The following PDE9A variants were observed in gnomAD, a reference collection of about 807,000 sequenced individuals.
PDE9A encodes high affinity cGMP-specific 3',5'-cyclic phosphodiesterase 9A.
In PDE9A, 60 loss-of-function variants were observed where a neutral mutation model predicts 87.4. That is an observed-to-expected ratio of 0.69 (90% CI 0.56 to 0.85). PDE9A has a LOEUF of 0.85. PDE9A is among the 40% of genes least tolerant of loss of function. PDE9A has a pLI of 0.00. For synonymous variants in PDE9A, 272 were observed against 279.4 expected, an observed-to-expected ratio of 0.97 and a Z score of 0.27; for missense variants, 665 against 779.0, an observed-to-expected ratio of 0.85 and a Z score of 1.74.
At chr21:42,656,450 AAGCTCCAGGTTG>A (rs1384449520) in intron 1 of PDE9A, among the ~76,000 whole-genome samples, 1 of 152,208 alleles carries the variant, frequency 6.6e-6, no homozygotes, top group Non-Finnish European at 1.5e-5. Flanking sequence ...TGCTCCGGCA[AAGCTCCAGGTTG>A]ACAATCTGAA....
Position 42,694,196 on chromosome 21 carries a change from T to G in PDE9A, c.219-4772T>G, listed in dbSNP as rs1267744386. On this transcript the variant is annotated intron_variant, in intron 3 of 19. Transcript: ENST00000291539. The surrounding 1 kb of genome is among the most constrained non-coding windows in gnomAD (Gnocchi z 5.3). ...CTCAGAAGCTACGTCAGCAGTTGGT[T>G]GGTTGGTTGGTTGGTGGGTTGGTTG... Among the ~76,000 whole-genome samples the G allele has an allele frequency of 6.6e-6, 1 of 152,160 alleles. No individual in the cohort carries two copies. Among genetic ancestry groups the G allele is most frequent in the Non-Finnish European group, 1.5e-5 (1 of 68,024 alleles).
intron 1 of PDE9A, among the ~76,000 whole-genome samples, chr21:42,663,867 C>T (rs987380458): frequency 6.6e-6 from 1 of 152,214 alleles, no homozygotes; most frequent in East Asian, 1.9e-4. Context: ...GGCCTCTCAG[C>T]ATCCAGGACT....
chr21:42,653,941 G>C, intron 1 of PDE9A, 58 bp downstream of exon 1: 1 of 1,022,662 alleles, frequency 9.8e-7, no homozygotes, highest in South Asian at 1.4e-5. Context: ...CGCCGGGGCC[G>C]GGCGCGGCGG....
intron 1 of PDE9A, among the ~76,000 whole-genome samples, chr21:42,656,689 G>A (rs896811148): frequency 6.6e-6 from 1 of 152,226 alleles, no homozygotes; most frequent in African/African-American, 2.4e-5. Flanking sequence ...GAATTTGGGG[G>A]ATTGTCTTCC....
chr21:42,720,368 C>T (rs2146574806), intron 4 of PDE9A, among the ~76,000 whole-genome samples: 1 of 152,190 alleles, frequency 6.6e-6, no homozygotes, highest in Non-Finnish European at 1.5e-5. Flanking sequence ...GTCACGCATG[C>T]CTGTAATCCC....
At chr21:42,768,375 T>A (rs2284977) in intron 16 of PDE9A, 83 bp downstream of exon 16, 472,394 of 1,069,000 alleles carry the variant, frequency 0.44, 108,996 homozygotes, top group African/African-American at 0.66. Context: ...CGAGCACGCC[T>A]GGGTGGTCCC....
At chr21:42,737,516 G>A (rs2052583323) in intron 7 of PDE9A, among the ~76,000 whole-genome samples, 2 of 152,208 alleles carry the variant, frequency 1.3e-5, no homozygotes, top group Admixed American at 1.3e-4. Flanking sequence ...CTAGAGAGAA[G>A]TGGCGTGATC....
chr21:42,721,179 A>T (rs913589575), intron 4 of PDE9A, among the ~76,000 whole-genome samples: 1 of 152,132 alleles, frequency 6.6e-6, no homozygotes, highest in African/African-American at 2.4e-5. Context: ...CTGCCTGCAA[A>T]CTAATCCTAA....
intron 7 of PDE9A, among the ~76,000 whole-genome samples, chr21:42,736,358 G>A (rs371433608): frequency 3.9e-5 from 6 of 152,098 alleles, no homozygotes; most frequent in Middle Eastern, 3.2e-3. Flanking sequence ...CAGGTGAGTC[G>A]AAGACCACTG....
intron 4 of PDE9A, among the ~76,000 whole-genome samples, chr21:42,710,919 T>C (rs2049274541): frequency 6.6e-6 from 1 of 151,940 alleles, no homozygotes; most frequent in Admixed American, 6.6e-5. Context: ...ACCCAGGAGG[T>C]GGATGTTGCA....
rs2146834019 is a variant in PDE9A at position 42,739,787 on chromosome 21, C to G, written c.569-3989C>G. Among the ~76,000 whole-genome samples the G allele has an allele frequency of 6.6e-6, 1 of 151,978 alleles. No individual in the cohort carries two copies. Among genetic ancestry groups the G allele is most frequent in the African/African-American group, 2.4e-5 (1 of 41,416 alleles). On this transcript the variant is annotated intron_variant, in intron 7 of 19. Transcript: ENST00000291539. The surrounding 1 kb of genome is among the most constrained non-coding windows in gnomAD (Gnocchi z 4.1). ...ACCATGAGCTGGCTTAAAACAGAGC[C>G]TTGTATGGACATGGGAAAAAAATTA... is the stretch of plus-strand genomic sequence containing the variant.
At chr21:42,666,929 A>T (rs1319977649) in intron 1 of PDE9A, among the ~76,000 whole-genome samples, 1 of 152,226 alleles carries the variant, frequency 6.6e-6, no homozygotes. Context: ...AGAGCATCGC[A>T]GCCCAAAAGG....
intron 1 of PDE9A, among the ~76,000 whole-genome samples, chr21:42,668,311 G>A (rs1001832282): frequency 2.0e-5 from 3 of 152,136 alleles, no homozygotes; most frequent in African/African-American, 4.8e-5. Context: ...GCTCCCACTC[G>A]GAGTCCTGAT....
chr21:42,671,154 G>A (rs745888042), intron 1 of PDE9A, among the ~76,000 whole-genome samples: 4 of 152,106 alleles, frequency 2.6e-5, no homozygotes, highest in East Asian at 1.9e-4. Flanking sequence ...GGATAACTCC[G>A]GTGCTGGGGA....
In PDE9A at chr21:42,762,213, C is replaced by T; in HGVS notation, c.1216C>T (p.Pro406Ser). The change falls in exon 14 of 20, where the codon CCT (proline) becomes TCT (serine). Residue 406 changes from proline (P) to serine (S), a missense_variant. By Grantham distance (74) the Pro-to-Ser change is moderately conservative. Coordinates refer to ENST00000291539, the MANE Select transcript of PDE9A (RefSeq NM_002606.3). Reference sequence around the variant, plus strand: ...GTGCAACATCTTCTCCAACATCCCACCTGATGGGTTCAAGCAGATCCGACA... The same window carrying T: ...GTGCAACATCTTCTCCAACATCCCATCTGATGGGTTCAAGCAGATCCGACA... ...PECNIFSNIP[P>S]DGFKQIRQGM... 1 of 1,614,158 alleles carries T rather than the reference C, an allele frequency of 6.2e-7. No individual in the cohort carries two copies. Among genetic ancestry groups the T allele is most frequent in the Non-Finnish European group, 8.5e-7 (1 of 1,180,002 alleles).
chr21:42,662,805 C>CCAAGCA (rs2057645588), intron 1 of PDE9A, among the ~76,000 whole-genome samples: 2 of 139,512 alleles, frequency 1.4e-5, no homozygotes, highest in Non-Finnish European at 3.1e-5. Flanking sequence ...CACACACACA[C>CCAAGCA]CACACACACG....
intron 14 of PDE9A, among the ~76,000 whole-genome samples, chr21:42,763,994 G>A (rs2056096609): frequency 6.6e-6 from 1 of 152,230 alleles, no homozygotes; most frequent in Non-Finnish European, 1.5e-5. Flanking sequence ...ATGCCACCAT[G>A]TGCCAGAGGC....
chr21:42,677,635 A>G (rs946388837), intron 1 of PDE9A, among the ~76,000 whole-genome samples: 1 of 145,070 alleles, frequency 6.9e-6, no homozygotes, highest in African/African-American at 2.7e-5. Flanking sequence ...CTCAGTTGCC[A>G]TCCAGTTATC....
At chr21:42,736,174 C>T (rs914381787) in intron 7 of PDE9A, among the ~76,000 whole-genome samples, 1 of 152,106 alleles carries the variant, frequency 6.6e-6, no homozygotes. Flanking sequence ...ATGCTCTTCC[C>T]GGAAAGTGCA....
Sources: allele counts gnomAD v4.1 joint callset (sites outside exome capture counted in the v4.1 genomes callset), GRCh38; gene constraint gnomAD v4.1.1; non-coding constraint Gnocchi (gnomAD v3.1); transcripts MANE v1.5; gene names NCBI Gene and HGNC (gene_info 2026-07-23, HGNC 2026-07-21).